The following ROBO2 variants were observed in gnomAD, a reference collection of about 807,000 sequenced individuals.
ROBO2 encodes the protein roundabout guidance receptor 2, also known as roundabout homolog 2.
A neutral mutation model predicts 160.8 loss-of-function variants in ROBO2; 53 were observed. The ratio of observed to expected loss-of-function variants is 0.33; its 90% confidence interval spans 0.26 to 0.41. The LOEUF (loss-of-function observed/expected upper bound fraction) is 0.41. ROBO2 is among the 10% of genes least tolerant of loss of function. ROBO2 has a pLI of 1.00. For missense variants in ROBO2, 1,577 were observed against 1,722.4 expected, an observed-to-expected ratio of 0.92 and a Z score of 1.49; for synonymous variants, 664 against 611.7, an observed-to-expected ratio of 1.09 and a Z score of -1.26.
At chr3:77,563,069 G>A (rs2093375810) in intron 10 of ROBO2, 98 bp from the exon 12 acceptor site, 3 of 1,105,486 alleles carry the variant, frequency 2.7e-6, no homozygotes, top group Non-Finnish European at 2.7e-6. Flanking sequence ...ATTTCTCACT[G>A]TCTAGGTCAG....
At chr3:77,170,181 T>G (rs1229475461) in intron 2 of ROBO2, among the ~76,000 whole-genome samples, 1 of 152,190 alleles carries the variant, frequency 6.6e-6, no homozygotes, top group African/African-American at 2.4e-5. Context: ...CTAGGTGGTA[T>G]TATCTGGGTG....
At chr3:76,699,421 CT>C (rs72581401) in intron 2 of ROBO2, among the ~76,000 whole-genome samples, 54,145 of 151,870 alleles carry the variant, frequency 0.36, 10,050 homozygotes, top group East Asian at 0.55. Context: ...CTCATGAAGA[CT>C]TTTTTTCTCT....
At chr3:76,744,870 G>A (rs1051392985) in intron 2 of ROBO2, among the ~76,000 whole-genome samples, 3 of 152,294 alleles carry the variant, frequency 2.0e-5, no homozygotes, top group Middle Eastern at 3.4e-3. Context: ...AACAAAATGT[G>A]TACGTTCACT....
At chr3:77,238,297 A>G (rs866200210) in intron 2 of ROBO2, among the ~76,000 whole-genome samples, 32 of 152,288 alleles carry the variant, frequency 2.1e-4, no homozygotes, top group Middle Eastern at 3.4e-3. Flanking sequence ...CTAAAAAGTC[A>G]TTGACAAATC....
At chr3:77,573,668 G>A (rs1442383251) in intron 13 of ROBO2, among the ~76,000 whole-genome samples, 1 of 151,848 alleles carries the variant, frequency 6.6e-6, no homozygotes, top group Non-Finnish European at 1.5e-5. Context: ...CCAGCCACAG[G>A]GACTTTATAC....
chr3:75,949,591 A>G (rs910299465), intron 2 of ROBO2, among the ~76,000 whole-genome samples: 1 of 152,086 alleles, frequency 6.6e-6, no homozygotes, highest in Non-Finnish European at 1.5e-5. Flanking sequence ...TGTAAACAAA[A>G]GCAAACCAAA....
chr3:77,219,702 C>T (rs1206201622), intron 2 of ROBO2, among the ~76,000 whole-genome samples: 2 of 150,940 alleles, frequency 1.3e-5, no homozygotes, highest in African/African-American at 4.9e-5. Flanking sequence ...GTAGTATTTG[C>T]CGTCTACAAG....
At chr3:76,603,593 A>G (rs956942923) in intron 2 of ROBO2, among the ~76,000 whole-genome samples, 2 of 151,654 alleles carry the variant, frequency 1.3e-5, no homozygotes, top group African/African-American at 2.4e-5. Context: ...TTTTTTTTCC[A>G]AAATAAAACC....
chr3:77,514,446 A>G (rs1373659346), intron 5 of ROBO2, among the ~76,000 whole-genome samples: 5 of 151,924 alleles, frequency 3.3e-5, no homozygotes, highest in Non-Finnish European at 5.9e-5. Context: ...TACTTGCCCA[A>G]TGCAAATGCA....
chr3:76,081,348 A>C (rs994916639), intron 2 of ROBO2, among the ~76,000 whole-genome samples: 7 of 152,116 alleles, frequency 4.6e-5, no homozygotes, highest in African/African-American at 1.7e-4. Flanking sequence ...CATGTAACTG[A>C]AACTGTCTGA....
chr3:76,969,259 A>G (rs2059455180), intron 2 of ROBO2, among the ~76,000 whole-genome samples: 1 of 152,204 alleles, frequency 6.6e-6, no homozygotes, highest in South Asian at 2.1e-4. Context: ...TCCTTATGAA[A>G]AATAATGAAG....
chr3:76,838,181 G>T (rs1185314150), intron 2 of ROBO2, among the ~76,000 whole-genome samples: 1 of 152,010 alleles, frequency 6.6e-6, no homozygotes, highest in African/African-American at 2.4e-5. Context: ...CCTAAATGAT[G>T]AGAACTTAGG....
At chr3:75,967,014 G>A (rs1197366870) in intron 2 of ROBO2, among the ~76,000 whole-genome samples, 7 of 151,676 alleles carry the variant, frequency 4.6e-5, no homozygotes, top group African/African-American at 1.7e-4. Context: ...GTGTGTGCAT[G>A]TGTATTTATT....
intron 2 of ROBO2, among the ~76,000 whole-genome samples, chr3:77,143,320 G>A (rs545809432): frequency 3.3e-5 from 5 of 150,766 alleles, no homozygotes; most frequent in South Asian, 2.1e-4. Context: ...TCAGCCTCCC[G>A]AGTAGCTGGG....
chr3:76,576,378 A>C (rs1220008712), intron 2 of ROBO2, among the ~76,000 whole-genome samples: 1 of 151,972 alleles, frequency 6.6e-6, no homozygotes, highest in Non-Finnish European at 1.5e-5. Flanking sequence ...ATGATATGAT[A>C]CTCTCACTAC....
chr3:76,734,232 A>G (rs1421481734), intron 2 of ROBO2, among the ~76,000 whole-genome samples: 4 of 152,180 alleles, frequency 2.6e-5, no homozygotes, highest in Non-Finnish European at 4.4e-5. Context: ...ATATTTGGAA[A>G]AATATTATCT....
intron 2 of ROBO2, among the ~76,000 whole-genome samples, chr3:77,297,265 A>T (rs2062232144): frequency 6.6e-6 from 1 of 152,070 alleles, no homozygotes; most frequent in South Asian, 2.1e-4. Flanking sequence ...TCAATTTACG[A>T]GTGATAGTTA....
Position 76,272,838 on chromosome 3 carries a change from TATTATATA to T in ROBO2, c.109+335237_109+335244del, listed in dbSNP as rs1335853223. Among the ~76,000 whole-genome samples, 234 of 28,032 alleles carry T rather than the reference TATTATATA, an allele frequency of 8.3e-3. 26 individuals carry two copies. The highest frequency in any genetic ancestry group is 0.036 in the Middle Eastern group (1 of 28). 18.4% of individuals were successfully genotyped at this position (28,032 alleles called of 152,430 possible). On this transcript the variant is annotated intron_variant, in intron 2 of 26. Coordinates refer to the ROBO2 transcript ENST00000487694. Reference sequence around the variant, plus strand: ...TATGTATTTATATATAAAATATATATATTATATATTATATATAAAATATATAAAATATA... The same window carrying T: ...TATGTATTTATATATAAAATATATATTTATATATAAAATATATAAAATATA...
intron 2 of ROBO2, among the ~76,000 whole-genome samples, chr3:76,018,677 T>A (rs956849718): frequency 1.3e-5 from 2 of 151,972 alleles, no homozygotes; most frequent in Non-Finnish European, 2.9e-5. Flanking sequence ...TGTCTGATAA[T>A]TCCTTGGAAT....
Sources: gnomAD v4.1 joint callset for allele counts (sites outside exome capture counted in the v4.1 genomes callset) on GRCh38, gnomAD v4.1.1 for gene constraint, MANE v1.5 for transcripts, NCBI Gene and HGNC (gene_info 2026-07-23, HGNC 2026-07-21) for gene names.